The following SPTBN1 variants were observed in gnomAD, a reference collection of about 807,000 sequenced individuals.
SPTBN1 encodes the protein spectrin beta chain, non-erythrocytic 1.
A neutral mutation model predicts 266.4 loss-of-function variants in SPTBN1; 32 were observed. The observed-to-expected ratio is 0.12, with a 90% CI of 0.09 to 0.16. The LOEUF is 0.16. SPTBN1 is among the 10% of genes least tolerant of loss of function. The pLI is 1.00. For synonymous variants in SPTBN1, 1,336 were observed against 1,162.2 expected (o/e 1.15, Z -3.04); for missense variants, 2,296 against 3,067.1 (o/e 0.75, Z 5.94).
At chr2:54,518,749 C>T (rs1404004350) in intron 1 of SPTBN1, among the ~76,000 whole-genome samples, 2 of 152,088 alleles carry the variant, frequency 1.3e-5, no homozygotes, top group Non-Finnish European at 2.9e-5. Context: ...ACATTGGTCA[C>T]CTTCTTCATT....
intron 1 of SPTBN1, among the ~76,000 whole-genome samples, chr2:54,525,175 A>G (rs1029477355): frequency 1.3e-5 from 2 of 152,224 alleles, no homozygotes; most frequent in African/African-American, 4.8e-5. Context: ...TCAGTTCAGG[A>G]TAAAGAATAG....
chr2:54,480,222 T>A (rs1358408067), intron 1 of SPTBN1, among the ~76,000 whole-genome samples: 1 of 152,252 alleles, frequency 6.6e-6, no homozygotes, highest in African/African-American at 2.4e-5. Flanking sequence ...AAGCACCTTT[T>A]GAACAGCTGG....
At chr2:54,602,287 C>T (rs1359803482) in intron 3 of SPTBN1, among the ~76,000 whole-genome samples, 2 of 152,134 alleles carry the variant, frequency 1.3e-5, no homozygotes, top group African/African-American at 2.4e-5. Context: ...CTGTGCTGGC[C>T]ACTTAGTAAT....
chr2:54,616,927 T>G (rs1572688981), intron 5 of SPTBN1, among the ~76,000 whole-genome samples: 2 of 151,854 alleles, frequency 1.3e-5, no homozygotes, highest in African/African-American at 4.8e-5. Flanking sequence ...GAACATTAAT[T>G]CAGAATATGA....
At chr2:54,483,673 T>C (rs1007906414) in intron 1 of SPTBN1, among the ~76,000 whole-genome samples, 4 of 152,036 alleles carry the variant, frequency 2.6e-5, no homozygotes, top group Non-Finnish European at 4.4e-5. Flanking sequence ...GCACAGGAAG[T>C]GGGTAGGAAG....
chr2:54,603,917 T>G (rs1217263395), intron 3 of SPTBN1, among the ~76,000 whole-genome samples: 1 of 152,238 alleles, frequency 6.6e-6, no homozygotes, highest in Non-Finnish European at 1.5e-5. Context: ...AACAAGAGAT[T>G]GGCAGACACT....
chr2:54,671,118 C>G lies in SPTBN1; in HGVS notation c.*2549C>G, dbSNP rs1364572842. 1 of 260,838 alleles carries G rather than the reference C, an allele frequency of 3.8e-6. No individual in the cohort carries two copies. Among genetic ancestry groups the G allele is most frequent in the East Asian group, 6.5e-5 (1 of 15,272 alleles). The allele number at this position is 260,838 out of a possible 1,614,324, so 16.2% of individuals were successfully genotyped here. A position where few individuals can be genotyped will look rare whatever the true frequency, so the allele number is the denominator to read the frequency against. Reference sequence around the variant, plus strand: ...AGAGTAAGAAGTAGTGAAAATAAGGCTTAGGATATGAAATGGCGTTGTCAC... The same window carrying G: ...AGAGTAAGAAGTAGTGAAAATAAGGGTTAGGATATGAAATGGCGTTGTCAC... On this transcript the variant is annotated 3_prime_UTR_variant, in exon 36 of 36. Transcript: ENST00000356805.
At chr2:54,524,162 G>A (rs534901225) in intron 1 of SPTBN1, among the ~76,000 whole-genome samples, 3 of 152,200 alleles carry the variant, frequency 2.0e-5, no homozygotes, top group African/African-American at 7.2e-5. Flanking sequence ...TGGTGCCACT[G>A]CACTCCAGCC....
rs112942920 is a variant in SPTBN1 at position 54,548,480 on chromosome 2, G to A, written c.148+21914G>A. ...CAGGCCTTTTGGCTCCACCTTTGTG[G>A]TGGATGCTGGAAGGCAGTGGGGAAA... is the stretch of plus-strand genomic sequence containing the variant. On this transcript the variant is annotated intron_variant, in intron 2 of 35. Coordinates refer to ENST00000356805, the MANE Select transcript of SPTBN1 (RefSeq NM_003128.3). 3.7e-3 allele frequency among the ~76,000 whole-genome samples: 560 copies of A among 152,328 alleles called. 5 individuals carry two copies. Among genetic ancestry groups the A allele is most frequent in the African/African-American group, 0.012 (512 of 41,560 alleles).
chr2:54,540,827 A>G lies in SPTBN1; in HGVS notation c.148+14261A>G, dbSNP rs756526688. 5 of 152,250 alleles carry G rather than the reference A, an allele frequency of 3.3e-5. No homozygotes were observed. The highest frequency in any genetic ancestry group is 5.9e-5 in the Non-Finnish European group (4 of 68,042). 9.4% of individuals were successfully genotyped at this position (152,250 alleles called of 1,614,324 possible). On this transcript the variant is annotated intron_variant, in intron 2 of 35. Coordinates refer to ENST00000356805, the MANE Select transcript of SPTBN1 (RefSeq NM_003128.3). This position sits in a 1 kb window ranked among gnomAD's most constrained non-coding sequence, Gnocchi z 5.6. ...AGGACATACAGAGTATTAGGTGACT[A>G]TAGTGACCAAGCAAGATAGGGAATG...
chr2:54,513,255 G>T (rs764957866), intron 1 of SPTBN1, among the ~76,000 whole-genome samples: 2 of 152,136 alleles, frequency 1.3e-5, no homozygotes, highest in Admixed American at 1.3e-4. Flanking sequence ...TTGTGGTGGT[G>T]GGGGGAGGTA....
In SPTBN1 at chr2:54,576,749, A is replaced by C. The variant is rs577935022; in HGVS notation, c.149-22343A>C. Reference sequence around the variant, plus strand: ...AATATTCAGCCAGCAAGTGGGTGTCAAGGTGAGCAGCTTACAGTGCTGAGC... The same window carrying C: ...AATATTCAGCCAGCAAGTGGGTGTCCAGGTGAGCAGCTTACAGTGCTGAGC... On this transcript the variant is annotated intron_variant, in intron 2 of 35. Coordinates refer to ENST00000356805, the MANE Select transcript of SPTBN1 (RefSeq NM_003128.3). Among the ~76,000 whole-genome samples, 24 of 152,326 alleles carry C rather than the reference A, an allele frequency of 1.6e-4. No individual in the cohort carries two copies. The East Asian group carries it at 4.0e-3, about 26-fold the overall frequency.
At chr2:54,472,022 G>GTTTTTTTTTTTTTTT (rs768988675) in intron 1 of SPTBN1, among the ~76,000 whole-genome samples, 14 of 66,804 alleles carry the variant, frequency 2.1e-4, no homozygotes, top group Admixed American at 4.9e-4. Context: ...CCCTGAAGAT[G>GTTTTTTTTTTTTTTT]TTTTTTTTTT....
In SPTBN1 at chr2:54,649,076, G is replaced by A. The variant is rs773924866; in HGVS notation, c.5088G>A (p.Glu1696=). 6.2e-7 allele frequency: 1 copy of A among 1,614,236 alleles called. No homozygotes were observed. The highest frequency in any genetic ancestry group is 1.7e-5 in the Admixed American group (1 of 60,032). The change falls in exon 25 of 36, where the codon GAG becomes GAA. Residue 1696 remains glutamate (E), a synonymous_variant. Coordinates refer to ENST00000356805, the MANE Select transcript of SPTBN1 (RefSeq NM_003128.3). This position sits in a 1 kb window ranked among gnomAD's most constrained non-coding sequence, Gnocchi z 6.7. ...LAEERRGKLD[E]RHRLFQLNRE... is the part of the protein sequence containing the mutation. ...AAGAGAGAAGAGGCAAGCTGGATGA[G>A]AGACACAGGTTATTCCAGCTCAACC...
intron 4 of SPTBN1, 147 bp from the exon 5 acceptor site, chr2:54,616,060 A>G (rs2103827604): frequency 1.7e-6 from 1 of 574,294 alleles, no homozygotes; most frequent in East Asian, 3.1e-5. Flanking sequence ...AGACTTCAGG[A>G]AGCAGTTTTC....
intron 3 of SPTBN1, among the ~76,000 whole-genome samples, chr2:54,607,596 G>A (rs907825962): frequency 8.5e-5 from 13 of 152,092 alleles, no homozygotes; most frequent in African/African-American, 2.2e-4. Flanking sequence ...CAGCCTGGGC[G>A]ACAGAGCGAG....
chr2:54,662,315 T>G, intron 32 of SPTBN1: 1 of 985,390 alleles, frequency 1.0e-6, no homozygotes, highest in Non-Finnish European at 1.2e-6. Flanking sequence ...TTTATTTTCC[T>G]TGTTTTCTTG....
At chr2:54,665,884 C>T in intron 33 of SPTBN1, 31 bp from the exon 34 acceptor site, 1 of 1,587,074 alleles carries the variant, frequency 6.3e-7, no homozygotes, top group Non-Finnish European at 8.6e-7. Flanking sequence ...GAGCCTTTAT[C>T]TCCCCCTGCC....
At position 54,668,385 on chromosome 2, in the gene SPTBN1, C is replaced by T. The variant is rs1231763718; in HGVS notation, c.6911C>T (p.Ser2304Phe). Reference protein sequence around the residue: ...EMNTWIQAISSAISSDKHEVS... With the variant: ...EMNTWIQAISFAISSDKHEVS... ...AACACATGGATCCAGGCTATCTCTT[C>T]CGCCATCTCCTCTGATAAACACGAG... Residue 2304 changes from serine to phenylalanine, a missense_variant, in exon 36 of 36, where the codon TCC becomes TTC. Coordinates refer to ENST00000356805, the MANE Select transcript of SPTBN1 (RefSeq NM_003128.3). The T allele has an allele frequency of 3.1e-6, 5 of 1,614,068 alleles. No individual in the cohort carries two copies. The highest frequency in any genetic ancestry group is 1.6e-4 in the Middle Eastern group (1 of 6,084).
Sources: allele counts gnomAD v4.1 joint callset (sites outside exome capture counted in the v4.1 genomes callset), GRCh38; gene constraint gnomAD v4.1.1; non-coding constraint Gnocchi (gnomAD v3.1); transcripts MANE v1.5; gene names NCBI Gene and HGNC (gene_info 2026-07-23, HGNC 2026-07-21).